Variants in LRP1B observed in about 807,000 individuals in gnomAD.
LRP1B encodes low-density lipoprotein receptor-related protein 1B.
In LRP1B, 217 loss-of-function variants were observed where a neutral mutation model predicts 556.6. The ratio of observed to expected loss-of-function variants is 0.39; its 90% CI spans 0.35 to 0.44. The LOEUF is 0.44. Among genes scored for constraint, LRP1B ranks in the 20% least tolerant of loss-of-function variants. LRP1B has a pLI of 1.00. For missense variants in LRP1B, 5,053 were observed against 5,620.8 expected, an observed-to-expected ratio of 0.90 and a Z score of 3.23; for synonymous variants, 2,047 against 1,865.8, an observed-to-expected ratio of 1.10 and a Z score of -2.50.
intron 42 of LRP1B, among the ~76,000 whole-genome samples, chr2:140,599,151 TAAG>T (rs1682555805): frequency 3.3e-5 from 5 of 152,134 alleles, no homozygotes; most frequent in African/African-American, 1.2e-4. Context: ...ACAGTGATCT[TAAG>T]TTTGTTTTCC....
chr2:140,524,021 A>G lies in LRP1B; in HGVS notation c.8026+1823T>C, dbSNP rs183606279. Among the ~76,000 whole-genome samples, 30 of 152,026 alleles carry G rather than the reference A, an allele frequency of 2.0e-4. 1 individual carries two copies. The South Asian group carries it at 3.5e-3, about 18-fold the overall frequency. ...TCTGCACGACAACAACAAAAAAACT[A>G]TCAACAGAGTAAACAGGTACCCTGG... On this transcript the variant is annotated intron_variant, in intron 49 of 90. Transcript: ENST00000389484.
At chr2:140,921,234 G>C (rs1402052432) in intron 21 of LRP1B, among the ~76,000 whole-genome samples, 2 of 151,740 alleles carry the variant, frequency 1.3e-5, no homozygotes, top group African/African-American at 4.8e-5. Context: ...ATTGCAGCCT[G>C]GTTTTATGTT....
chr2:140,646,302 G>A (rs577611093), intron 41 of LRP1B, among the ~76,000 whole-genome samples: 3 of 152,304 alleles, frequency 2.0e-5, no homozygotes, highest in Admixed American at 6.5e-5. Flanking sequence ...CTGGCAGGTA[G>A]ACCTGATCAC....
chr2:140,938,863 T>C (rs1695310489), intron 20 of LRP1B, among the ~76,000 whole-genome samples: 1 of 152,084 alleles, frequency 6.6e-6, no homozygotes, highest in Non-Finnish European at 1.5e-5. Flanking sequence ...TTTTCTATCT[T>C]TCGGAAATTC....
chr2:142,017,535 T>C (rs1012110088), intron 1 of LRP1B, among the ~76,000 whole-genome samples: 1 of 152,136 alleles, frequency 6.6e-6, no homozygotes, highest in African/African-American at 2.4e-5. Flanking sequence ...GCCTGGCACA[T>C]AGAAGGTGTT....
intron 4 of LRP1B, among the ~76,000 whole-genome samples, chr2:141,254,122 C>T (rs1414471862): frequency 6.6e-6 from 1 of 151,840 alleles, no homozygotes; most frequent in Non-Finnish European, 1.5e-5. Context: ...TGCCAGCTGC[C>T]AGAATAACCA....
At chr2:141,788,426 A>G (rs1574360135) in intron 2 of LRP1B, among the ~76,000 whole-genome samples, 1 of 152,072 alleles carries the variant, frequency 6.6e-6, no homozygotes, top group African/African-American at 2.4e-5. Context: ...CAATTCTATG[A>G]TATTATTAGA....
intron 83 of LRP1B, among the ~76,000 whole-genome samples, chr2:140,299,751 T>G (rs1041653753): frequency 1.3e-5 from 2 of 152,032 alleles, no homozygotes; most frequent in African/African-American, 2.4e-5. Context: ...ACAGAAGTAA[T>G]TCTTCAATTA....
chr2:141,916,178 G>C (rs913082688), intron 1 of LRP1B, among the ~76,000 whole-genome samples: 1 of 152,078 alleles, frequency 6.6e-6, no homozygotes, highest in Non-Finnish European at 1.5e-5. Context: ...CAATCTGGGT[G>C]CTGATGGCTG....
At chr2:141,822,120 C>CAG (rs1452163408) in intron 1 of LRP1B, among the ~76,000 whole-genome samples, 32 of 103,388 alleles carry the variant, frequency 3.1e-4, no homozygotes, top group African/African-American at 1.3e-3. Flanking sequence ...CACACACACA[C>CAG]ACACACACAC....
At chr2:142,105,138 C>T (rs987390955) in intron 1 of LRP1B, among the ~76,000 whole-genome samples, 3 of 152,128 alleles carry the variant, frequency 2.0e-5, no homozygotes, top group African/African-American at 4.8e-5. Flanking sequence ...ACTGAACAAA[C>T]CTGAATGGAG....
At chr2:140,661,929 T>C (rs1685111206) in intron 41 of LRP1B, among the ~76,000 whole-genome samples, 2 of 152,150 alleles carry the variant, frequency 1.3e-5, no homozygotes, top group Admixed American at 6.6e-5. Flanking sequence ...CACTAAACAA[T>C]TTATCTAATT....
At chr2:140,268,608 C>T (rs1278824158) in intron 86 of LRP1B, among the ~76,000 whole-genome samples, 1 of 151,906 alleles carries the variant, frequency 6.6e-6, no homozygotes. Context: ...CTCTAAAGCT[C>T]AAATGCACAA....
intron 2 of LRP1B, among the ~76,000 whole-genome samples, chr2:141,535,638 A>G (rs1216786145): frequency 6.6e-6 from 1 of 152,130 alleles, no homozygotes; most frequent in Non-Finnish European, 1.5e-5. Context: ...TGAAAATGAA[A>G]TGAAGGATCT....
chr2:141,406,693 G>A (rs999616411), intron 3 of LRP1B, among the ~76,000 whole-genome samples: 1 of 151,844 alleles, frequency 6.6e-6, no homozygotes, highest in African/African-American at 2.4e-5. Flanking sequence ...GTCGTGTCAG[G>A]CATGTTGTAT....
intron 83 of LRP1B, among the ~76,000 whole-genome samples, chr2:140,298,391 C>G (rs1188187113): frequency 6.6e-6 from 1 of 152,076 alleles, no homozygotes; most frequent in Admixed American, 6.5e-5. Context: ...CATCTACCAA[C>G]CACTGCTGAA....
chr2:140,906,501 A>G (rs566881964), intron 22 of LRP1B, among the ~76,000 whole-genome samples: 1 of 152,124 alleles, frequency 6.6e-6, no homozygotes, highest in Admixed American at 6.6e-5. Flanking sequence ...GAAAAGTACT[A>G]ATATTTTTCA....
chr2:141,998,386 TGTGCTCTA>T (rs1330265520), intron 1 of LRP1B, among the ~76,000 whole-genome samples: 4 of 152,224 alleles, frequency 2.6e-5, no homozygotes, highest in African/African-American at 9.6e-5. Flanking sequence ...GTTAGAGGCA[TGTGCTCTA>T]GTGATACCGT....
At position 142,092,380 on chromosome 2, in the gene LRP1B, A is replaced by C. The variant is rs1037475402; in HGVS notation, c.82+38268T>G. On this transcript the variant is annotated intron_variant, in intron 1 of 90. Coordinates refer to ENST00000389484, the MANE Select transcript of LRP1B (RefSeq NM_018557.3). Reference sequence around the variant, plus strand: ...TAGTATTTTCATTTGTATTATGTACAGTGGTTATTTGTTGATGTGACTACT... The same window carrying C: ...TAGTATTTTCATTTGTATTATGTACCGTGGTTATTTGTTGATGTGACTACT... 1.3e-5 allele frequency among the ~76,000 whole-genome samples: 2 copies of C among 152,262 alleles called. 1 individual carries two copies. The highest frequency in any genetic ancestry group is 3.9e-4 in the East Asian group (2 of 5,186).
Sources: gnomAD v4.1 joint callset for allele counts (sites outside exome capture counted in the v4.1 genomes callset) on GRCh38, gnomAD v4.1.1 for gene constraint, MANE v1.5 for transcripts, NCBI Gene and HGNC (gene_info 2026-07-23, HGNC 2026-07-21) for gene names.